Variants in GRK5 observed in about 807,000 individuals in gnomAD.
GRK5 encodes the protein G protein-coupled receptor kinase 5.
In GRK5, 40 loss-of-function variants were observed where a neutral mutation model predicts 78.4. The ratio of observed to expected loss-of-function variants is 0.51; its 90% CI spans 0.40 to 0.66. The LOEUF (loss-of-function observed/expected upper bound fraction) is 0.66. GRK5 is among the 30% of genes least tolerant of loss of function. The pLI, the probability that GRK5 is intolerant of heterozygous loss-of-function variation, is 0.00. For synonymous variants in GRK5, 289 were observed against 296.8 expected, an observed-to-expected ratio of 0.97 and a Z score of 0.27; for missense variants, 598 against 759.9, an observed-to-expected ratio of 0.79 and a Z score of 2.50.
At chr10:119,368,108 C>G (rs929645211) in intron 2 of GRK5, among the ~76,000 whole-genome samples, 41 of 152,216 alleles carry the variant, frequency 2.7e-4, no homozygotes, top group Admixed American at 2.7e-3. Flanking sequence ...ACCCCGGGCC[C>G]TGGAAGGCAA....
chr10:119,209,486 G>GA (rs1307609078), intron 1 of GRK5, among the ~76,000 whole-genome samples: 2 of 88,816 alleles, frequency 2.3e-5, no homozygotes, highest in Admixed American at 2.7e-4. Context: ...GTGTGTGTGT[G>GA]GTTTTTTTTT....
At chr10:119,438,708 G>A (rs1481562173) in intron 9 of GRK5, among the ~76,000 whole-genome samples, 1 of 152,196 alleles carries the variant, frequency 6.6e-6, no homozygotes, top group Non-Finnish European at 1.5e-5. Flanking sequence ...TTTGGGCTCC[G>A]TTCTGGCCAG....
chr10:119,348,193 C>T (rs927953176), intron 2 of GRK5, among the ~76,000 whole-genome samples: 1 of 152,186 alleles, frequency 6.6e-6, no homozygotes, highest in African/African-American at 2.4e-5. Context: ...CACATGCATC[C>T]CTCTTTCTTC....
Position 119,452,096 on chromosome 10 carries a change from A to G in GRK5, c.1405-575A>G, listed in dbSNP as rs1853298879. Among the ~76,000 whole-genome samples, 1 of 152,180 alleles carries G rather than the reference A, an allele frequency of 6.6e-6. No individual in the cohort carries two copies. The highest frequency in any genetic ancestry group is 6.5e-5 in the Admixed American group (1 of 15,288). Reference sequence around the variant, plus strand: ...TGCACAGCTGAGGGACGAGTAAGGCAAAAGATATGCCTACCATAATAATAC... The same window carrying G: ...TGCACAGCTGAGGGACGAGTAAGGCGAAAGATATGCCTACCATAATAATAC... On this transcript the variant is annotated intron_variant, in intron 13 of 15. Coordinates refer to ENST00000392870, the MANE Select transcript of GRK5 (RefSeq NM_005308.3). The surrounding 1 kb of genome is among the most constrained non-coding windows in gnomAD (Gnocchi z 4.4).
chr10:119,452,697 G>T lies in GRK5; in HGVS notation c.1431G>T (p.Val477=). The change falls in exon 14 of 16, where the codon GTG becomes GTT. Residue 477 remains valine (V), a synonymous_variant. Transcript: ENST00000392870. The surrounding 1 kb of genome is among the most constrained non-coding windows in gnomAD (Gnocchi z 4.4). ...CCCGCGCTGTGTACTGTAAGGACGT[G>T]CTGGACATCGAGCAGTTCTCCACTG... ...PDPRAVYCKD[V]LDIEQFSTVK... is the part of the protein sequence containing the mutation. The T allele has an allele frequency of 6.2e-7, 1 of 1,614,156 alleles. No individual in the cohort carries two copies. Among genetic ancestry groups the T allele is most frequent in the Non-Finnish European group, 8.5e-7 (1 of 1,180,032 alleles).
At chr10:119,326,870 G>T (rs1331887892) in intron 2 of GRK5, among the ~76,000 whole-genome samples, 1 of 152,232 alleles carries the variant, frequency 6.6e-6, no homozygotes, top group Non-Finnish European at 1.5e-5. Flanking sequence ...ATCCTTTGAG[G>T]CAGGTGCTAT....
chr10:119,448,375 G>C, intron 13 of GRK5, 115 bp downstream of exon 13: 1 of 1,228,914 alleles, frequency 8.1e-7, no homozygotes, highest in Admixed American at 2.8e-5. Flanking sequence ...TGTCTTTGTG[G>C]GGACCAGGGT....
chr10:119,347,530 C>G (rs1388103602), intron 2 of GRK5, among the ~76,000 whole-genome samples: 1 of 152,258 alleles, frequency 6.6e-6, no homozygotes, highest in Non-Finnish European at 1.5e-5. Context: ...ATCCTGAAGG[C>G]AAGGTGTTGG....
chr10:119,448,323 T>G lies in GRK5; in HGVS notation c.1404+63T>G, dbSNP rs570912216. On this transcript the variant is annotated intron_variant, in intron 13 of 15. Coordinates refer to ENST00000392870, the MANE Select transcript of GRK5 (RefSeq NM_005308.3). ...CAGGGTACCCAGGGCTGCCCCCGAGTGCTGCCTCACAGTGAGCTGGTGCAG... is the reference window on the plus strand; with the variant it reads ...CAGGGTACCCAGGGCTGCCCCCGAGGGCTGCCTCACAGTGAGCTGGTGCAG... 7.5e-5 allele frequency: 114 copies of G among 1,525,262 alleles called. 1 individual carries two copies. In the African/African-American group the frequency reaches 1.5e-3, roughly 21 times the overall value. The allele number at this position is 1,525,262 out of a possible 1,614,324, so 94.5% of individuals were successfully genotyped here. A position where few individuals can be genotyped will look rare whatever the true frequency, so the allele number is the denominator to read the frequency against.
chr10:119,406,373 T>C (rs1852240904), intron 4 of GRK5: 3 of 741,328 alleles, frequency 4.0e-6, no homozygotes, highest in African/African-American at 3.8e-5. Context: ...CTGGGGTCCA[T>C]GGCCCTGGTC....
intron 1 of GRK5, among the ~76,000 whole-genome samples, chr10:119,281,028 T>C (rs1295845428): frequency 1.3e-5 from 2 of 152,044 alleles, no homozygotes; most frequent in African/African-American, 4.8e-5. Flanking sequence ...TCCACACGCC[T>C]TGGCCTCCCA....
At chr10:119,218,840 ACTGATG>A (rs958923903) in intron 1 of GRK5, among the ~76,000 whole-genome samples, 19 of 152,074 alleles carry the variant, frequency 1.2e-4, no homozygotes, top group African/African-American at 4.6e-4. Context: ...AGAATGAATG[ACTGATG>A]CTACACAGCT....
chr10:119,351,153 A>C (rs1851179964), intron 2 of GRK5, among the ~76,000 whole-genome samples: 2 of 152,344 alleles, frequency 1.3e-5, no homozygotes, highest in South Asian at 4.1e-4. Context: ...AAAAAAATCC[A>C]GCCACTGCAA....
intron 15 of GRK5, among the ~76,000 whole-genome samples, chr10:119,453,937 C>T (rs548575564): frequency 2.6e-5 from 4 of 151,846 alleles, no homozygotes; most frequent in African/African-American, 7.3e-5. Flanking sequence ...GGAGGAAATG[C>T]GGGGGAAGGG....
At chr10:119,263,606 T>C (rs532502993) in intron 1 of GRK5, among the ~76,000 whole-genome samples, 1 of 152,234 alleles carries the variant, frequency 6.6e-6, no homozygotes, top group African/African-American at 2.4e-5. Context: ...TCCTCTCTTC[T>C]CTTCCCCTCT....
chr10:119,382,116 G>A (rs746924173), intron 3 of GRK5, among the ~76,000 whole-genome samples: 2 of 151,880 alleles, frequency 1.3e-5, no homozygotes, highest in African/African-American at 2.4e-5. Context: ...TCCCCTCCTC[G>A]TCCTTCCCCA....
intron 1 of GRK5, among the ~76,000 whole-genome samples, chr10:119,245,892 T>C (rs1330684890): frequency 6.6e-6 from 1 of 150,998 alleles, no homozygotes; most frequent in East Asian, 1.9e-4. Flanking sequence ...TGGTGGCGGG[T>C]GCCTGTAGTC....
intron 1 of GRK5, among the ~76,000 whole-genome samples, chr10:119,315,375 T>C (rs2133747602): frequency 6.6e-6 from 1 of 152,174 alleles, no homozygotes; most frequent in Middle Eastern, 3.4e-3. Flanking sequence ...TTAGAATCAG[T>C]GAGAAGCCAC....
At chr10:119,397,299 G>A (rs1447601424) in intron 4 of GRK5, among the ~76,000 whole-genome samples, 1 of 152,216 alleles carries the variant, frequency 6.6e-6, no homozygotes, top group Admixed American at 6.5e-5. Flanking sequence ...GATAGTTGAA[G>A]CATCGGGGTA....
Sources: allele counts gnomAD v4.1 joint callset (sites outside exome capture counted in the v4.1 genomes callset), GRCh38; gene constraint gnomAD v4.1.1; non-coding constraint Gnocchi (gnomAD v3.1); transcripts MANE v1.5; gene names NCBI Gene and HGNC (gene_info 2026-07-23, HGNC 2026-07-21).